Variants in DOCK1 observed in about 807,000 individuals in gnomAD.
DOCK1 encodes dedicator of cytokinesis protein 1.
Under a neutral mutation model 262.7 loss-of-function variants are expected in DOCK1, and 138 were observed. That is an observed-to-expected ratio of 0.53 (90% confidence interval 0.46 to 0.61). The LOEUF (loss-of-function observed/expected upper bound fraction) is 0.61, where lower values mean the gene tolerates loss of function less well. Among genes scored for constraint, DOCK1 ranks in the 20% least tolerant of loss-of-function variants. The pLI is 0.00. For synonymous variants in DOCK1, 866 were observed against 867.4 expected (o/e 1.00, Z 0.03); for missense variants, 1,908 against 2,370.7 (o/e 0.80, Z 4.05).
At chr10:126,964,072 G>C (rs930401770) in intron 1 of DOCK1, among the ~76,000 whole-genome samples, 72 of 152,304 alleles carry the variant, frequency 4.7e-4, no homozygotes, top group Non-Finnish European at 9.1e-4. Flanking sequence ...CTCGCTAGTA[G>C]TACAGTGGGT....
At chr10:127,115,744 G>A (rs2049140335) in intron 25 of DOCK1, among the ~76,000 whole-genome samples, 1 of 152,224 alleles carries the variant, frequency 6.6e-6, no homozygotes, top group South Asian at 2.1e-4. Flanking sequence ...AAAGAGCATT[G>A]GCTATACTTG....
At chr10:127,346,322 C>T (rs1217822394) in intron 31 of DOCK1, among the ~76,000 whole-genome samples, 2 of 152,282 alleles carry the variant, frequency 1.3e-5, no homozygotes, top group South Asian at 2.1e-4. Context: ...AACAGCGGTG[C>T]GGTGGCTCAT....
intron 29 of DOCK1, among the ~76,000 whole-genome samples, chr10:127,266,842 T>G (rs2060378273): frequency 6.6e-6 from 1 of 152,350 alleles, no homozygotes; most frequent in African/African-American, 2.4e-5. Context: ...CCAAGAAAAC[T>G]GGCCTAACCT....
At chr10:126,955,099 CA>C (rs1315879480) in intron 1 of DOCK1, among the ~76,000 whole-genome samples, 2 of 152,206 alleles carry the variant, frequency 1.3e-5, no homozygotes, top group Non-Finnish European at 2.9e-5. Flanking sequence ...CCATCCTAAT[CA>C]TCTCCAAATG....
intron 23 of DOCK1, among the ~76,000 whole-genome samples, chr10:127,087,859 T>TCATAA (rs1375566939): frequency 6.6e-6 from 1 of 152,206 alleles, no homozygotes; most frequent in Non-Finnish European, 1.5e-5. Flanking sequence ...ACTTCCTTTG[T>TCATAA]CATAGCTTTA....
At chr10:127,153,090 C>T (rs1029845314) in intron 27 of DOCK1, among the ~76,000 whole-genome samples, 1 of 152,124 alleles carries the variant, frequency 6.6e-6, no homozygotes, top group Non-Finnish European at 1.5e-5. Flanking sequence ...TTTGGTGGAT[C>T]ACTAAAATTA....
At chr10:127,256,893 T>G (rs964455161) in intron 28 of DOCK1, among the ~76,000 whole-genome samples, 4 of 152,204 alleles carry the variant, frequency 2.6e-5, no homozygotes, top group African/African-American at 9.6e-5. Flanking sequence ...CGTTTTGAAA[T>G]TCCGTAAGAG....
intron 23 of DOCK1, among the ~76,000 whole-genome samples, chr10:127,103,837 G>A (rs890851465): frequency 6.6e-6 from 1 of 152,124 alleles, no homozygotes; most frequent in Non-Finnish European, 1.5e-5. Context: ...TGGGTGCTAC[G>A]GATTATGAAT....
intron 27 of DOCK1, among the ~76,000 whole-genome samples, chr10:127,168,237 C>T (rs2054256792): frequency 6.6e-6 from 1 of 152,218 alleles, no homozygotes; most frequent in African/African-American, 2.4e-5. Flanking sequence ...AGGCTGACCT[C>T]AGCCAGCTGG....
intron 27 of DOCK1, among the ~76,000 whole-genome samples, chr10:127,182,423 T>G (rs1182532153): frequency 6.6e-6 from 1 of 152,142 alleles, no homozygotes; most frequent in Non-Finnish European, 1.5e-5. Flanking sequence ...TGGGGCTTGG[T>G]GCTTGGTGCT....
chr10:126,989,584 C>G (rs1248892845), intron 5 of DOCK1, among the ~76,000 whole-genome samples: 1 of 152,158 alleles, frequency 6.6e-6, no homozygotes, highest in Non-Finnish European at 1.5e-5. Flanking sequence ...GCCTCTGCTT[C>G]CCAAAGTGCT....
intron 27 of DOCK1, among the ~76,000 whole-genome samples, chr10:127,205,959 A>G (rs1196237254): frequency 6.6e-6 from 1 of 152,172 alleles, no homozygotes; most frequent in African/African-American, 2.4e-5. Context: ...TTTACATGCA[A>G]GTATGACTTA....
At chr10:127,357,373 G>T (rs936910079) in intron 32 of DOCK1, among the ~76,000 whole-genome samples, 1 of 152,330 alleles carries the variant, frequency 6.6e-6, no homozygotes, top group Admixed American at 6.5e-5. Flanking sequence ...GGAAGGAAAG[G>T]CGGGCCCAGA....
intron 48 of DOCK1, among the ~76,000 whole-genome samples, chr10:127,435,992 A>G (rs981769402): frequency 1.1e-4 from 17 of 152,216 alleles, no homozygotes; most frequent in Admixed American, 7.9e-4. Flanking sequence ...GCTAAACAGC[A>G]TCTACTAATC....
chr10:127,150,399 C>G lies in DOCK1; in HGVS notation c.2847+22635C>G, dbSNP rs374067387. 9.9e-5 allele frequency among the ~76,000 whole-genome samples: 15 copies of G among 152,196 alleles called. No individual in the cohort carries two copies. In the East Asian group the frequency reaches 1.4e-3, roughly 14 times the overall value. On this transcript the variant is annotated intron_variant, in intron 27 of 51. Transcript: ENST00000623213. ...AGTGACCCTGTGTATCAGCAACTCT[C>G]AGCCACCAGGGCAGAATCACACAGA... is the stretch of plus-strand genomic sequence containing the variant.
At chr10:127,297,134 T>G (rs1590326214) in intron 29 of DOCK1, among the ~76,000 whole-genome samples, 1 of 152,200 alleles carries the variant, frequency 6.6e-6, no homozygotes, top group South Asian at 2.1e-4. Flanking sequence ...GCCCGCAAGC[T>G]AGTTGTGGAA....
intron 25 of DOCK1, among the ~76,000 whole-genome samples, chr10:127,124,671 T>A (rs2049831758): frequency 6.6e-6 from 1 of 152,204 alleles, no homozygotes; most frequent in Non-Finnish European, 1.5e-5. Context: ...CCTCTGCACC[T>A]GCTTTTCATT....
At chr10:127,147,486 C>G (rs1229120441) in intron 27 of DOCK1, among the ~76,000 whole-genome samples, 3 of 152,124 alleles carry the variant, frequency 2.0e-5, no homozygotes, top group Non-Finnish European at 4.4e-5. Context: ...CGTCCTTGCA[C>G]CTGTGGCTCT....
At chr10:127,380,954 G>A (rs1174670342) in intron 36 of DOCK1, among the ~76,000 whole-genome samples, 1 of 152,086 alleles carries the variant, frequency 6.6e-6, no homozygotes, top group Non-Finnish European at 1.5e-5. Flanking sequence ...TATTTTTACG[G>A]ATTTTTTTGT....
Sources: gnomAD v4.1 joint callset for allele counts (sites outside exome capture counted in the v4.1 genomes callset) on GRCh38, gnomAD v4.1.1 for gene constraint, MANE v1.5 for transcripts, NCBI Gene and HGNC (gene_info 2026-07-23, HGNC 2026-07-21) for gene names.